COMMD1: variants seen among roughly 807,000 people sequenced by gnomAD.
The protein encoded by COMMD1 is COMM domain-containing protein 1.
In COMMD1, 10 loss-of-function variants were observed where a neutral mutation model predicts 17.2. The observed-to-expected ratio is 0.58, with a 90% CI of 0.36 to 0.99. COMMD1 has a LOEUF of 0.99. Ranked by LOEUF, COMMD1 falls within the 50% of genes least tolerant of loss-of-function variation. The pLI, the probability that COMMD1 is intolerant of heterozygous loss-of-function variation, is 0.01. For missense variants in COMMD1, 270 were observed against 231.8 expected (o/e 1.17, Z -1.07); for synonymous variants, 97 against 91.6 (o/e 1.06, Z -0.34).
At chr2:62,132,418 T>C (rs951270848) in intron 2 of COMMD1, among the ~76,000 whole-genome samples, 2 of 152,260 alleles carry the variant, frequency 1.3e-5, no homozygotes, top group African/African-American at 4.8e-5. Context: ...AACCAGGTTA[T>C]TTATTACTGT....
In COMMD1 at chr2:61,997,543, T is replaced by C. The variant is rs966459253; in HGVS notation, c.181-3158T>C. On this transcript the variant is annotated intron_variant, in intron 1 of 2. Transcript: ENST00000311832. The stretch of plus-strand genomic sequence containing the variant: ...GTAGTAATATTCTGAAAGGAATCTT[T>C]TTTCTGAGCAGTAGTTTTACGTAAA... Among the ~76,000 whole-genome samples the C allele has an allele frequency of 2.6e-5, 4 of 152,206 alleles. No homozygotes were observed. The South Asian group carries it at 8.3e-4, about 32-fold the overall frequency.
intron 1 of COMMD1, among the ~76,000 whole-genome samples, chr2:61,927,699 G>A (rs1394824066): frequency 6.6e-6 from 1 of 151,752 alleles, no homozygotes; most frequent in Non-Finnish European, 1.5e-5. Context: ...CGCCTGGCTG[G>A]GTGACTCCAT....
chr2:62,033,690 TA>T (rs1274187351), intron 2 of COMMD1, among the ~76,000 whole-genome samples: 1 of 152,218 alleles, frequency 6.6e-6, no homozygotes, highest in Non-Finnish European at 1.5e-5. Flanking sequence ...ATTTAGTTGT[TA>T]AATTTGAACT....
chr2:62,086,437 G>A (rs1390004358), intron 2 of COMMD1, among the ~76,000 whole-genome samples: 2 of 151,764 alleles, frequency 1.3e-5, no homozygotes, highest in African/African-American at 4.8e-5. Context: ...CGTGAACCCG[G>A]GAGGCGGAGC....
intron 2 of COMMD1, among the ~76,000 whole-genome samples, chr2:62,119,224 T>G (rs907640386): frequency 7.2e-5 from 11 of 152,286 alleles, no homozygotes; most frequent in African/African-American, 2.2e-4. Flanking sequence ...AGGAGAGGCC[T>G]CAGGAGAAAC....
intron 1 of COMMD1, among the ~76,000 whole-genome samples, chr2:61,997,751 C>T (rs1345391405): frequency 6.6e-6 from 1 of 152,170 alleles, no homozygotes; most frequent in Admixed American, 6.5e-5. Flanking sequence ...TTGGCTTCAA[C>T]TTCAAGTCAC....
chr2:61,917,182 C>T (rs1294547873), intron 1 of COMMD1, among the ~76,000 whole-genome samples: 1 of 151,822 alleles, frequency 6.6e-6, no homozygotes, highest in Non-Finnish European at 1.5e-5. Context: ...GATGAAACCC[C>T]GTCTCTGCTA....
chr2:62,087,456 C>G (rs917210869), intron 2 of COMMD1, among the ~76,000 whole-genome samples: 5 of 152,174 alleles, frequency 3.3e-5, no homozygotes, highest in Non-Finnish European at 7.4e-5. Flanking sequence ...CATTAAAAAC[C>G]TTGATAAGTG....
At chr2:61,948,898 G>T (rs1670981936) in intron 1 of COMMD1, among the ~76,000 whole-genome samples, 1 of 152,154 alleles carries the variant, frequency 6.6e-6, no homozygotes, top group Non-Finnish European at 1.5e-5. Flanking sequence ...GTGACTACAG[G>T]GACTTGAGGA....
rs1209834087 is a variant in COMMD1 at position 62,082,505 on chromosome 2, G to A, written c.463-53326G>A. Among the ~76,000 whole-genome samples the A allele has an allele frequency of 2.0e-5, 3 of 152,158 alleles. No individual in the cohort carries two copies. The East Asian group carries it at 5.8e-4, about 29-fold the overall frequency. On this transcript the variant is annotated intron_variant, in intron 2 of 2. Transcript: ENST00000311832. ...GTGACTAGCTCTCCCAGCGACGTTG[G>A]AAGCTTTCATTTCTTCACTTTCTAT...
intron 1 of COMMD1, among the ~76,000 whole-genome samples, chr2:61,912,609 C>G (rs180918278): frequency 6.6e-6 from 1 of 152,016 alleles, no homozygotes; most frequent in Non-Finnish European, 1.5e-5. Flanking sequence ...GTGGCATGTG[C>G]TTGTAGTCCC....
intron 1 of COMMD1, among the ~76,000 whole-genome samples, chr2:61,911,549 G>A (rs1488592609): frequency 1.3e-5 from 2 of 152,182 alleles, no homozygotes; most frequent in Non-Finnish European, 2.9e-5. Context: ...ATAATTCACT[G>A]TAGCCCTGAA....
At chr2:62,019,450 T>G (rs1356825029) in intron 2 of COMMD1, among the ~76,000 whole-genome samples, 2 of 151,994 alleles carry the variant, frequency 1.3e-5, no homozygotes, top group East Asian at 3.9e-4. Context: ...GCTGGGATTA[T>G]AGGTGTGAGC....
chr2:62,094,865 T>A (rs1313135301), intron 2 of COMMD1, among the ~76,000 whole-genome samples: 1 of 152,242 alleles, frequency 6.6e-6, no homozygotes, highest in African/African-American at 2.4e-5. Context: ...GGCTGATCTA[T>A]CTCTGAGGTC....
chr2:61,966,502 G>A (rs1671509403), intron 1 of COMMD1, among the ~76,000 whole-genome samples: 2 of 152,100 alleles, frequency 1.3e-5, no homozygotes, highest in South Asian at 4.1e-4. Flanking sequence ...TAGGAAATAT[G>A]AATTTGCCTT....
chr2:61,897,759 T>A lies in COMMD1; in HGVS notation n.119+8917T>A, dbSNP rs183578437. The stretch of plus-strand genomic sequence containing the variant: ...AGCAAAACTCTGTCTTTAAAAAAAA[T>A]ATATATATATTGGCCATTACATGTA... On this transcript the variant is annotated intron_variant and non_coding_transcript_variant, in intron 1 of 2. Coordinates refer to the COMMD1 transcript ENST00000472729. Among the ~76,000 whole-genome samples the A allele has an allele frequency of 1.1e-3, 168 of 152,056 alleles. 1 individual carries two copies. Among genetic ancestry groups the A allele is most frequent in the African/African-American group, 2.3e-3 (97 of 41,480 alleles).
chr2:62,106,769 T>C (rs1672334557), intron 2 of COMMD1, among the ~76,000 whole-genome samples: 1 of 152,210 alleles, frequency 6.6e-6, no homozygotes, highest in Non-Finnish European at 1.5e-5. Flanking sequence ...GCAGAAGTTT[T>C]CTGGAAAGGA....
chr2:62,111,688 A>T (rs34782480), intron 2 of COMMD1, among the ~76,000 whole-genome samples: 14,494 of 152,098 alleles, frequency 0.095, 805 homozygotes, highest in Non-Finnish European at 0.12. Flanking sequence ...GAAAGAGGGG[A>T]GGGAGACAGG....
intron 2 of COMMD1, among the ~76,000 whole-genome samples, chr2:62,124,618 C>T (rs1319817474): frequency 6.6e-6 from 1 of 152,140 alleles, no homozygotes; most frequent in Non-Finnish European, 1.5e-5. Context: ...GGTACCATCT[C>T]AGCTCACTGC....
Sources: gnomAD v4.1 joint callset for allele counts (sites outside exome capture counted in the v4.1 genomes callset) on GRCh38, gnomAD v4.1.1 for gene constraint, MANE v1.5 for transcripts, NCBI Gene and HGNC (gene_info 2026-07-23, HGNC 2026-07-21) for gene names.